Variants in SAMD12 observed in about 807,000 individuals in gnomAD.
SAMD12 encodes sterile alpha motif domain containing 12, also known as sterile alpha motif domain-containing protein 12.
In SAMD12, 9 loss-of-function variants were observed where a neutral mutation model predicts 15.0. The ratio of observed to expected loss-of-function variants is 0.60; its 90% CI spans 0.36 to 1.05. The LOEUF (loss-of-function observed/expected upper bound fraction) is 1.05. SAMD12 is among the 50% of genes least tolerant of loss of function. The pLI, the probability that SAMD12 is intolerant of heterozygous loss-of-function variation, is 0.01. For synonymous variants in SAMD12, 86 were observed against 90.1 expected (o/e 0.96, Z 0.25); for missense variants, 230 against 234.2 (o/e 0.98, Z 0.12).
chr8:118,180,290 T>C, the SAMD12 span, among the ~76,000 whole-genome samples: 1 of 152,376 alleles, frequency 6.6e-6, no homozygotes, highest in African/African-American at 2.4e-5. Flanking sequence ...CATTTGCTTC[T>C]GTGGCACTTA....
In SAMD12 at chr8:118,228,937, C is replaced by T. The variant is rs59592394; in HGVS notation, c.434-31205G>A. 5.1e-3 allele frequency among the ~76,000 whole-genome samples: 780 copies of T among 152,218 alleles called. 5 individuals carry two copies. Among genetic ancestry groups the T allele is most frequent in the African/African-American group, 0.018 (728 of 41,536 alleles). On this transcript the variant is annotated intron_variant, in intron 4 of 4. Transcript: ENST00000409003. Reference sequence around the variant, plus strand: ...ATAAGGAAACTGTGGTACATATGTACGGTGGAATACTACTCTGCCATAAAA... The same window carrying T: ...ATAAGGAAACTGTGGTACATATGTATGGTGGAATACTACTCTGCCATAAAA...
intron 2 of SAMD12, among the ~76,000 whole-genome samples, chr8:118,494,139 A>G (rs770787961): frequency 1.3e-5 from 2 of 152,160 alleles, no homozygotes; most frequent in Non-Finnish European, 2.9e-5. Context: ...TGAAGATGCC[A>G]TGTTGCTGGC....
chr8:118,369,580 G>A (rs1468457930), intron 4 of SAMD12, among the ~76,000 whole-genome samples: 1 of 152,042 alleles, frequency 6.6e-6, no homozygotes, highest in Non-Finnish European at 1.5e-5. Context: ...GCTGGGCATG[G>A]TGGTGGGCAC....
intron 3 of SAMD12, among the ~76,000 whole-genome samples, chr8:118,384,554 C>G (rs986989938): frequency 1.3e-5 from 2 of 152,084 alleles, no homozygotes; most frequent in African/African-American, 4.8e-5. Context: ...GAAAGACAGA[C>G]ATCAGAGATG....
chr8:118,228,772 C>T (rs1812239665), intron 4 of SAMD12, among the ~76,000 whole-genome samples: 1 of 152,298 alleles, frequency 6.6e-6, no homozygotes, highest in Non-Finnish European at 1.5e-5. Context: ...TTTGATCCAG[C>T]AATCCCACTA....
At chr8:118,447,901 TG>T (rs1306969876) in intron 2 of SAMD12, among the ~76,000 whole-genome samples, 21 of 151,504 alleles carry the variant, frequency 1.4e-4, no homozygotes, top group African/African-American at 4.9e-4. Flanking sequence ...AATTTTTTTT[TG>T]TATTTTTAGT....
At chr8:118,457,731 G>C (rs572626444) in intron 2 of SAMD12, among the ~76,000 whole-genome samples, 1 of 152,026 alleles carries the variant, frequency 6.6e-6, no homozygotes. Flanking sequence ...CTTTGGCCTG[G>C]GCATGAAGCT....
intron 2 of SAMD12, among the ~76,000 whole-genome samples, chr8:118,549,991 A>G (rs1218066553): frequency 6.6e-6 from 1 of 152,240 alleles, no homozygotes. Context: ...AAGAATAAAA[A>G]GAAATGAACA....
chr8:118,317,399 T>A (rs58351047), intron 4 of SAMD12, among the ~76,000 whole-genome samples: 21,124 of 152,120 alleles, frequency 0.14, 1,658 homozygotes, highest in African/African-American at 0.19. Context: ...ACGAGAATTA[T>A]GGAATGCATA....
chr8:118,194,779 T>G (rs929847333), exon 5 of SAMD12: 1 of 152,176 alleles, frequency 6.6e-6, no homozygotes, highest in Non-Finnish European at 1.5e-5. Context: ...ACAGCACAGT[T>G]GAAGTTAACC....
At chr8:118,463,315 C>G (rs1373501689) in intron 2 of SAMD12, among the ~76,000 whole-genome samples, 1 of 151,856 alleles carries the variant, frequency 6.6e-6, no homozygotes, top group Non-Finnish European at 1.5e-5. Flanking sequence ...AGCTGCTAGG[C>G]GCATGGTAAG....
intron 2 of SAMD12, among the ~76,000 whole-genome samples, chr8:118,482,086 T>C (rs976615659): frequency 5.9e-5 from 9 of 152,216 alleles, no homozygotes; most frequent in Non-Finnish European, 1.2e-4. Context: ...TGATGCCAAA[T>C]GCCATCTGTT....
chr8:118,499,474 G>A (rs762958773), intron 2 of SAMD12, among the ~76,000 whole-genome samples: 2 of 152,158 alleles, frequency 1.3e-5, no homozygotes, highest in African/African-American at 4.8e-5. Context: ...TGTCCACAAC[G>A]TCATGTAACC....
chr8:118,382,051 C>G (rs931722164), intron 3 of SAMD12, among the ~76,000 whole-genome samples: 2 of 152,216 alleles, frequency 1.3e-5, no homozygotes, highest in Non-Finnish European at 2.9e-5. Flanking sequence ...CCAGAAGTTT[C>G]ACTCAGAAAA....
chr8:118,348,669 G>A lies in SAMD12; in HGVS notation c.433+30891C>T, dbSNP rs142261981. ...TTACAGGCGTGAGCCACCGCACCCG[G>A]CCCGCTTATTACTTTTTTAAAAAAG... On this transcript the variant is annotated intron_variant, in intron 4 of 4. Transcript: ENST00000409003. Among the ~76,000 whole-genome samples the A allele has an allele frequency of 6.2e-3, 948 of 152,296 alleles. 15 individuals carry two copies. Among genetic ancestry groups the A allele is most frequent in the African/African-American group, 0.021 (854 of 41,554 alleles).
intron 1 of SAMD12, among the ~76,000 whole-genome samples, chr8:118,604,586 T>C (rs755769033): frequency 1.3e-5 from 2 of 152,162 alleles, no homozygotes; most frequent in Non-Finnish European, 2.9e-5. Context: ...AAGAAAACGA[T>C]GGTTGGAAAA....
chr8:118,427,020 G>C (rs1822254451), intron 3 of SAMD12, among the ~76,000 whole-genome samples: 1 of 152,208 alleles, frequency 6.6e-6, no homozygotes, highest in Non-Finnish European at 1.5e-5. Flanking sequence ...AGAGAAGAGA[G>C]TATTGTTCCT....
intron 4 of SAMD12, among the ~76,000 whole-genome samples, chr8:118,316,990 C>A (rs997795212): frequency 6.6e-6 from 1 of 151,830 alleles, no homozygotes. Context: ...TAAATTAAAA[C>A]GAGGTGATTA....
At chr8:118,159,789 C>G in the SAMD12 span, among the ~76,000 whole-genome samples, 7,710 of 149,514 alleles carry the variant, frequency 0.052, 310 homozygotes, top group South Asian at 0.19. Context: ...GATCTCAGCT[C>G]ACTGCAACCT....
Sources: gnomAD v4.1 joint callset for allele counts (sites outside exome capture counted in the v4.1 genomes callset) on GRCh38, gnomAD v4.1.1 for gene constraint, MANE v1.5 for transcripts, NCBI Gene and HGNC (gene_info 2026-07-23, HGNC 2026-07-21) for gene names.